MTMR12: variants seen among roughly 807,000 people sequenced by gnomAD.
The protein encoded by MTMR12 is myotubularin-related protein 12.
A neutral mutation model predicts 96.7 loss-of-function variants in MTMR12; 33 were observed. The ratio of observed to expected loss-of-function variants is 0.34; its 90% CI spans 0.26 to 0.46. The LOEUF is 0.46. Ranked by LOEUF, MTMR12 falls within the 20% of genes least tolerant of loss-of-function variation. The pLI is 1.00. For synonymous variants in MTMR12, 298 were observed against 327.2 expected (o/e 0.91, Z 0.96); for missense variants, 721 against 896.1 (o/e 0.80, Z 2.49).
Position 32,312,378 on chromosome 5 carries a change from C to T in MTMR12, c.81+380G>A, listed in dbSNP as rs1028721729. Among the ~76,000 whole-genome samples, 1 of 152,204 alleles carries T rather than the reference C, an allele frequency of 6.6e-6. No homozygotes were observed. The highest frequency in any genetic ancestry group is 1.5e-5 in the Non-Finnish European group (1 of 68,028). On this transcript the variant is annotated intron_variant, in intron 1 of 15. Coordinates refer to ENST00000382142, the MANE Select transcript of MTMR12 (RefSeq NM_001040446.3). The surrounding 1 kb of genome is among the most constrained non-coding windows in gnomAD (Gnocchi z 5.0). ...GAGAAAGTCCAGAGGCAGGACGGACCCACGCGGGCTCCGAGCAGGCCCCGT... is the reference window on the plus strand; with the variant it reads ...GAGAAAGTCCAGAGGCAGGACGGACTCACGCGGGCTCCGAGCAGGCCCCGT...
At chr5:32,266,440 C>G (rs1749595731) in intron 6 of MTMR12, among the ~76,000 whole-genome samples, 2 of 152,314 alleles carry the variant, frequency 1.3e-5, no homozygotes, top group South Asian at 4.1e-4. Context: ...GTAATCCCAG[C>G]ACTTTGGGAG....
intron 8 of MTMR12, among the ~76,000 whole-genome samples, chr5:32,250,406 C>T (rs1257333371): frequency 2.6e-5 from 4 of 152,198 alleles, no homozygotes; most frequent in Non-Finnish European, 5.9e-5. Flanking sequence ...GGGGCCAAGC[C>T]ACACTTTAAG....
At chr5:32,295,301 G>T (rs1403217490) in intron 1 of MTMR12, among the ~76,000 whole-genome samples, 1 of 152,232 alleles carries the variant, frequency 6.6e-6, no homozygotes, top group East Asian at 1.9e-4. Context: ...CAAACCAAGA[G>T]AACAGCATCT....
chr5:32,311,826 C>G (rs930277594), intron 1 of MTMR12, among the ~76,000 whole-genome samples: 3 of 152,316 alleles, frequency 2.0e-5, no homozygotes, highest in Admixed American at 6.5e-5. Flanking sequence ...TCTACCTGGA[C>G]GACTCTTCTC....
chr5:32,246,945 G>C (rs1415707437), intron 10 of MTMR12, among the ~76,000 whole-genome samples: 1 of 152,188 alleles, frequency 6.6e-6, no homozygotes, highest in Non-Finnish European at 1.5e-5. Context: ...TTCATGTGTA[G>C]TTTTTTCATA....
chr5:32,229,700 G>C lies in MTMR12; in HGVS notation c.*78C>G. 1 of 1,407,636 alleles carries C rather than the reference G, an allele frequency of 7.1e-7. No homozygotes were observed. Among genetic ancestry groups the C allele is most frequent in the Non-Finnish European group, 9.5e-7 (1 of 1,057,370 alleles). 87.2% of individuals were successfully genotyped at this position (1,407,636 alleles called of 1,614,324 possible). A position where few individuals can be genotyped will look rare whatever the true frequency, so the allele number is the denominator to read the frequency against. ...CGGGCTAAGGACCCAGCCAGCATGA[G>C]CTGTAGCGTGACACAAATCCAGGGA... On this transcript the variant is annotated 3_prime_UTR_variant, in exon 16 of 16. Transcript: ENST00000382142.
At chr5:32,288,810 T>C (rs1750641447) in intron 1 of MTMR12, among the ~76,000 whole-genome samples, 1 of 152,184 alleles carries the variant, frequency 6.6e-6, no homozygotes, top group South Asian at 2.1e-4. Context: ...CTGATCTCCC[T>C]TGGTTTAATG....
At chr5:32,281,268 A>AAC (rs1250169093) in intron 1 of MTMR12, among the ~76,000 whole-genome samples, 1 of 150,626 alleles carries the variant, frequency 6.6e-6, no homozygotes, top group Non-Finnish European at 1.5e-5. Flanking sequence ...AAAAAAACAA[A>AAC]AAAAACTGTT....
At position 32,229,310 on chromosome 5, in the gene MTMR12, T is replaced by G. The variant is rs1747896502; in HGVS notation, c.*468A>C. The G allele has an allele frequency of 6.5e-6, 1 of 153,326 alleles. No individual in the cohort carries two copies. Among genetic ancestry groups the G allele is most frequent in the South Asian group, 2.1e-4 (1 of 4,838 alleles). 9.5% of individuals were successfully genotyped at this position (153,326 alleles called of 1,614,324 possible). ...TGCCACACATCTTAATACCTCTATC[T>G]GAATCTTCAACTCCCCATACAAATA... is the stretch of plus-strand genomic sequence containing the variant. On this transcript the variant is annotated 3_prime_UTR_variant, in exon 16 of 16. Coordinates refer to ENST00000382142, the MANE Select transcript of MTMR12 (RefSeq NM_001040446.3).
chr5:32,228,923 G>T lies in MTMR12; in HGVS notation c.*855C>A, dbSNP rs1747879191. ...CAAGTAGAAAAAGGCGAAGCGATTTGTTCCAAACAAGGAGAGACTCCAGAG... is the reference window on the plus strand; with the variant it reads ...CAAGTAGAAAAAGGCGAAGCGATTTTTTCCAAACAAGGAGAGACTCCAGAG... On this transcript the variant is annotated 3_prime_UTR_variant, in exon 16 of 16. Coordinates refer to ENST00000382142, the MANE Select transcript of MTMR12 (RefSeq NM_001040446.3). 1 of 152,000 alleles carries T rather than the reference G, an allele frequency of 6.6e-6. No homozygotes were observed. The highest frequency in any genetic ancestry group is 2.4e-5 in the African/African-American group (1 of 41,372). 9.4% of individuals were successfully genotyped at this position (152,000 alleles called of 1,614,324 possible). A position where few individuals can be genotyped will look rare whatever the true frequency, so the allele number is the denominator to read the frequency against.
intron 10 of MTMR12, among the ~76,000 whole-genome samples, chr5:32,245,726 G>T (rs1340465718): frequency 1.3e-5 from 2 of 152,062 alleles, no homozygotes; most frequent in Admixed American, 1.3e-4. Context: ...TACTCAAGAG[G>T]CTGAGGCACA....
At chr5:32,240,203 A>G (rs922753073) in intron 12 of MTMR12, among the ~76,000 whole-genome samples, 33 of 152,238 alleles carry the variant, frequency 2.2e-4, no homozygotes, top group African/African-American at 7.7e-4. Flanking sequence ...GTTCGAGACC[A>G]GTCTGACCAA....
intron 12 of MTMR12, 53 bp downstream of exon 12, chr5:32,242,004 G>T: frequency 6.8e-7 from 1 of 1,460,152 alleles, no homozygotes; most frequent in Non-Finnish European, 9.5e-7. Context: ...TACAAAAATT[G>T]AATCTCAAGT....
chr5:32,261,843 C>T (rs946264262), intron 7 of MTMR12, among the ~76,000 whole-genome samples: 10 of 152,266 alleles, frequency 6.6e-5, no homozygotes, highest in Non-Finnish European at 1.3e-4. Context: ...GAGGCCGAGG[C>T]GGGCAGATCA....
At chr5:32,277,770 T>G (rs949941112) in intron 1 of MTMR12, among the ~76,000 whole-genome samples, 1 of 151,790 alleles carries the variant, frequency 6.6e-6, no homozygotes. Context: ...CCAGTGAGGA[T>G]CAAGGGTTGA....
At position 32,306,723 on chromosome 5, in the gene MTMR12, G is replaced by A. The variant is rs112341123; in HGVS notation, c.81+6035C>T. On this transcript the variant is annotated intron_variant, in intron 1 of 15. Coordinates refer to ENST00000382142, the MANE Select transcript of MTMR12 (RefSeq NM_001040446.3). ...TCTGTTCTGCAATAACACTGTGTCC[G>A]TGGGCAAGATATTAAACTTTACAGG... Among the ~76,000 whole-genome samples, 672 of 152,250 alleles carry A rather than the reference G, an allele frequency of 4.4e-3. 6 individuals carry two copies. The highest frequency in any genetic ancestry group is 0.016 in the African/African-American group (657 of 41,526).
Position 32,230,284 on chromosome 5 carries a change from T to C in MTMR12, c.1738A>G (p.Arg580Gly). ...SKSSPKRGFF[R>G]EETDHLIKNL... ...TTAATTAAATGATCTGTTTCTTCCC[T>C]GAAAAATCCTCTTTTGGGAGATGAC... The change falls in exon 16 of 16, where the codon AGG becomes GGG. Residue 580 changes from arginine (R) to glycine (G), a missense_variant. Arg to Gly is a moderately radical substitution (Grantham distance 125). Coordinates refer to ENST00000382142, the MANE Select transcript of MTMR12 (RefSeq NM_001040446.3). 1.2e-6 allele frequency: 2 copies of C among 1,613,614 alleles called. No individual in the cohort carries two copies. The highest frequency in any genetic ancestry group is 1.3e-5 in the African/African-American group (1 of 75,016).
rs1183370670 is a variant in MTMR12 at position 32,248,121 on chromosome 5, T to A, written c.902A>T (p.Tyr301Phe). 6.2e-7 allele frequency: 1 copy of A among 1,613,380 alleles called. No individual in the cohort carries two copies. The highest frequency in any genetic ancestry group is 1.7e-5 in the Admixed American group (1 of 59,866). The change falls in exon 10 of 16, where the codon TAC becomes TTC. Residue 301 changes from tyrosine (Y) to phenylalanine (F), a missense_variant. Transcript: ENST00000382142. The part of the protein sequence containing the change: ...QIQKSFLDGI[Y>F]KTIHRPPYEI... ...ATAGGGTGGCCTGTGGATGGTCTTGTAAATTCTAGGTATCAAAAAGGAATA... is the reference window on the plus strand; with the variant it reads ...ATAGGGTGGCCTGTGGATGGTCTTGAAAATTCTAGGTATCAAAAAGGAATA...
intron 1 of MTMR12, among the ~76,000 whole-genome samples, chr5:32,284,804 C>T (rs1285421368): frequency 6.6e-6 from 1 of 152,162 alleles, no homozygotes; most frequent in African/African-American, 2.4e-5. Context: ...TTCTTTAATA[C>T]TCAAGCAGAA....
Sources: allele counts gnomAD v4.1 joint callset (sites outside exome capture counted in the v4.1 genomes callset), GRCh38; gene constraint gnomAD v4.1.1; non-coding constraint Gnocchi (gnomAD v3.1); transcripts MANE v1.5; gene names NCBI Gene and HGNC (gene_info 2026-07-23, HGNC 2026-07-21).